Variants in L3MBTL4 observed in about 807,000 individuals in gnomAD.
The protein encoded by L3MBTL4 is lethal(3)malignant brain tumor-like protein 4.
A neutral mutation model predicts 84.5 loss-of-function variants in L3MBTL4; 70 were observed. The observed-to-expected ratio is 0.83, with a 90% CI of 0.68 to 1.01. L3MBTL4 has a LOEUF of 1.01. Ranked by LOEUF, L3MBTL4 falls within the 50% of genes least tolerant of loss-of-function variation. L3MBTL4 has a pLI of 0.00. For synonymous variants in L3MBTL4, 274 were observed against 259.8 expected (o/e 1.05, Z -0.52); for missense variants, 715 against 754.8 (o/e 0.95, Z 0.62).
intron 4 of L3MBTL4, among the ~76,000 whole-genome samples, chr18:6,298,166 T>TC (rs1439730353): frequency 3.9e-5 from 6 of 152,164 alleles, no homozygotes; most frequent in African/African-American, 1.4e-4. Flanking sequence ...AGACTCAGTC[T>TC]CCCCCATCCC....
At chr18:6,271,928 G>T (rs1329440552) in intron 4 of L3MBTL4, among the ~76,000 whole-genome samples, 1 of 152,222 alleles carries the variant, frequency 6.6e-6, no homozygotes, top group Non-Finnish European at 1.5e-5. Flanking sequence ...AGAGATTTCA[G>T]CAGAGCGATG....
At chr18:5,971,669 C>T (rs568332286) in intron 16 of L3MBTL4, among the ~76,000 whole-genome samples, 1 of 152,244 alleles carries the variant, frequency 6.6e-6, no homozygotes, top group African/African-American at 2.4e-5. Context: ...TGTGTGCTCC[C>T]CAGCAGGAAA....
intron 12 of L3MBTL4, among the ~76,000 whole-genome samples, chr18:6,176,737 A>G (rs2044241109): frequency 6.6e-6 from 1 of 152,212 alleles, no homozygotes; most frequent in Non-Finnish European, 1.5e-5. Context: ...TTTGTTTTTC[A>G]AAATCACCAA....
At chr18:6,270,822 T>G (rs548705616) in intron 4 of L3MBTL4, among the ~76,000 whole-genome samples, 1 of 152,358 alleles carries the variant, frequency 6.6e-6, no homozygotes, top group South Asian at 2.1e-4. Flanking sequence ...CTAGCAGGTT[T>G]GGTCTTTAAT....
rs1020144437 is a variant in L3MBTL4, at chr18:6,043,264, T to C, written c.1444+37617A>G. Among the ~76,000 whole-genome samples, 10 of 152,322 alleles carry C rather than the reference T, an allele frequency of 6.6e-5. 1 individual carries two copies. The highest frequency in any genetic ancestry group is 5.9e-4 in the Admixed American group (9 of 15,304). The stretch of plus-strand genomic sequence containing the variant: ...ATCATTTACTCTCCCTGCTTTAAAC[T>C]TGTGGATGCCTCACCACTGTATTCA... On this transcript the variant is annotated intron_variant, in intron 16 of 18. Transcript: ENST00000317931.
At chr18:6,145,823 G>A (rs767825046) in intron 13 of L3MBTL4, among the ~76,000 whole-genome samples, 3 of 152,162 alleles carry the variant, frequency 2.0e-5, no homozygotes, top group South Asian at 2.1e-4. Context: ...GGGATATGGC[G>A]GCAAACCAGA....
rs766842361 is a variant in L3MBTL4, at chr18:6,239,725, C to T, written c.700G>A (p.Asp234Asn). The T allele has an allele frequency of 1.9e-6, 3 of 1,613,418 alleles. No individual in the cohort carries two copies. Among genetic ancestry groups the T allele is most frequent in the South Asian group, 1.1e-5 (1 of 91,074 alleles). ...VHFDNWDDSY[D>N]YWCDVNSPYV... ...CACACATTCATATCTCACCAGTAAT[C>T]GTAACTATCATCCCAGTTGTCAAAA... Residue 234 changes from aspartate (D) to asparagine (N), a missense_variant, in exon 9 of 19, where the codon GAT becomes AAT. By Grantham distance (23) the Asp-to-Asn change is conservative (BLOSUM62 1). Transcript: ENST00000317931.
intron 13 of L3MBTL4, among the ~76,000 whole-genome samples, chr18:6,161,577 T>G (rs1375261595): frequency 6.6e-6 from 1 of 152,204 alleles, no homozygotes; most frequent in Non-Finnish European, 1.5e-5. Context: ...GATTATCACT[T>G]GTTTAGAAAG....
chr18:6,062,829 AT>A (rs35283365), intron 16 of L3MBTL4, among the ~76,000 whole-genome samples: 21,525 of 133,692 alleles, frequency 0.16, 2,851 homozygotes, highest in African/African-American at 0.37. Flanking sequence ...AGCATTTCCA[AT>A]TTTTTTTTTT....
chr18:6,389,026 C>T (rs953054218), intron 1 of L3MBTL4, among the ~76,000 whole-genome samples: 1 of 152,144 alleles, frequency 6.6e-6, no homozygotes, highest in Non-Finnish European at 1.5e-5. Context: ...TGATCATAAG[C>T]CTTTCTGGGC....
intron 4 of L3MBTL4, among the ~76,000 whole-genome samples, chr18:6,277,289 A>C (rs1454895739): frequency 1.3e-5 from 2 of 152,122 alleles, no homozygotes; most frequent in African/African-American, 4.8e-5. Context: ...AAGTATAATA[A>C]AAAAATATTC....
chr18:6,341,505 G>C (rs2052608378), intron 1 of L3MBTL4, among the ~76,000 whole-genome samples: 1 of 150,454 alleles, frequency 6.6e-6, no homozygotes, highest in Non-Finnish European at 1.5e-5. Flanking sequence ...ATTCAACTGA[G>C]AGCTTCAATG....
intron 12 of L3MBTL4, among the ~76,000 whole-genome samples, chr18:6,204,259 C>T (rs562519931): frequency 8.5e-4 from 129 of 152,316 alleles, no homozygotes; most frequent in Non-Finnish European, 5.6e-4. Context: ...GCCAAGAACT[C>T]AAGGACACAC....
At chr18:6,262,967 T>A (rs1175969875) in intron 5 of L3MBTL4, among the ~76,000 whole-genome samples, 1 of 152,074 alleles carries the variant, frequency 6.6e-6, no homozygotes, top group African/African-American at 2.4e-5. Flanking sequence ...AATAAAAAGT[T>A]GTAGTTTCCT....
chr18:6,165,028 A>G (rs1316063859), intron 13 of L3MBTL4, among the ~76,000 whole-genome samples: 1 of 152,232 alleles, frequency 6.6e-6, no homozygotes, highest in African/African-American at 2.4e-5. Context: ...GAACTACGTG[A>G]CGAATGCACA....
chr18:6,031,447 T>C (rs1568006380), intron 16 of L3MBTL4: 11 of 985,342 alleles, frequency 1.1e-5, no homozygotes, highest in Non-Finnish European at 1.3e-5. Context: ...GGTGGGACCA[T>C]TCTTTGCCTC....
intron 5 of L3MBTL4, chr18:6,256,745 G>A (rs774983750): frequency 2.0e-5 from 3 of 152,176 alleles, no homozygotes; most frequent in Non-Finnish European, 2.9e-5. Flanking sequence ...ACCCACTAAG[G>A]ATTCTGCTCC....
chr18:5,974,982 T>A (rs1106750), intron 16 of L3MBTL4, among the ~76,000 whole-genome samples: 101,727 of 150,970 alleles, frequency 0.67, 35,127 homozygotes, highest in African/African-American at 0.84. Context: ...TTTTTTTTTT[T>A]TAAAAAGAGG....
In L3MBTL4 at chr18:6,311,542, T is replaced by C. The variant is rs936132835; in HGVS notation, c.72+12A>G. 6.2e-7 allele frequency: 1 copy of C among 1,608,832 alleles called. No individual in the cohort carries two copies. The highest frequency in any genetic ancestry group is 1.3e-5 in the African/African-American group (1 of 74,762). On this transcript the variant is annotated intron_variant, in intron 3 of 18. Transcript: ENST00000317931. ...CACACTGTGAGGAAGGGTCCAGGGA[T>C]GGACATCTTACCAAGCGTCCGTCCT... is the stretch of plus-strand genomic sequence containing the variant.
Sources: gnomAD v4.1 joint callset for allele counts (sites outside exome capture counted in the v4.1 genomes callset) on GRCh38, gnomAD v4.1.1 for gene constraint, MANE v1.5 for transcripts, NCBI Gene and HGNC (gene_info 2026-07-23, HGNC 2026-07-21) for gene names.